Variants in NRCAM observed in about 807,000 individuals in gnomAD.
NRCAM encodes the protein neuronal cell adhesion molecule.
A neutral mutation model predicts 156.5 loss-of-function variants in NRCAM; 83 were observed. The observed-to-expected ratio is 0.53, with a 90% CI of 0.44 to 0.64. NRCAM has a LOEUF of 0.64. NRCAM is among the 30% of genes least tolerant of loss of function. NRCAM has a pLI of 0.00. For synonymous variants in NRCAM, 538 were observed against 563.9 expected (o/e 0.95, Z 0.65); for missense variants, 1,417 against 1,597.3 (o/e 0.89, Z 1.92).
chr7:108,398,114 C>G (rs1048260212), intron 2 of NRCAM, among the ~76,000 whole-genome samples: 5 of 152,180 alleles, frequency 3.3e-5, no homozygotes, highest in Admixed American at 1.3e-4. Flanking sequence ...CCCTTACCTC[C>G]ACACTTACAC....
At chr7:108,179,265 G>A (rs2062227837) in intron 25 of NRCAM, among the ~76,000 whole-genome samples, 1 of 152,142 alleles carries the variant, frequency 6.6e-6, no homozygotes, top group Non-Finnish European at 1.5e-5. Flanking sequence ...CATCGAGGAG[G>A]AAGAGCCCTG....
chr7:108,253,817 G>A (rs1159467557), intron 3 of NRCAM, among the ~76,000 whole-genome samples: 1 of 152,154 alleles, frequency 6.6e-6, no homozygotes, highest in Non-Finnish European at 1.5e-5. Flanking sequence ...ATGGCAAATA[G>A]GCATGGGGGA....
At chr7:108,442,615 G>C (rs1029891406) in intron 1 of NRCAM, among the ~76,000 whole-genome samples, 1 of 152,196 alleles carries the variant, frequency 6.6e-6, no homozygotes, top group Non-Finnish European at 1.5e-5. Context: ...GTGATTACCA[G>C]CTGGTGATTT....
chr7:108,441,012 C>T (rs924169762), intron 1 of NRCAM, among the ~76,000 whole-genome samples: 11 of 152,118 alleles, frequency 7.2e-5, no homozygotes, highest in Middle Eastern at 3.2e-3. Context: ...AGGGGATGCC[C>T]GTTAATGTCA....
chr7:108,155,129 CACACACACACACACAT>C (rs1179611034), intron 32 of NRCAM, among the ~76,000 whole-genome samples: 10 of 147,838 alleles, frequency 6.8e-5, no homozygotes, highest in African/African-American at 2.0e-4. Context: ...CACACACACA[CACACACACACACACAT>C]ATAGCAGACC....
chr7:108,443,034 G>A (rs1377840903), intron 1 of NRCAM, among the ~76,000 whole-genome samples: 1 of 152,180 alleles, frequency 6.6e-6, no homozygotes, highest in East Asian at 1.9e-4. Flanking sequence ...TATTCACCAG[G>A]AGGAAACCTC....
chr7:108,171,048 C>T (rs2058169039), intron 28 of NRCAM, among the ~76,000 whole-genome samples: 1 of 152,178 alleles, frequency 6.6e-6, no homozygotes. Flanking sequence ...CTAAGGCATG[C>T]TGTTTAGCCA....
intron 1 of NRCAM, among the ~76,000 whole-genome samples, chr7:108,425,006 A>G (rs1156931978): frequency 6.6e-6 from 1 of 152,152 alleles, no homozygotes; most frequent in Non-Finnish European, 1.5e-5. Context: ...CATAGATAAG[A>G]AGTTAATTCA....
At chr7:108,299,682 G>A (rs756278271) in intron 3 of NRCAM, among the ~76,000 whole-genome samples, 1 of 152,108 alleles carries the variant, frequency 6.6e-6, no homozygotes, top group South Asian at 2.1e-4. Context: ...CGGGCAGCCG[G>A]GTAATAACTT....
At chr7:108,345,909 G>T in intron 2 of NRCAM, among the ~76,000 whole-genome samples, 1 of 152,198 alleles carries the variant, frequency 6.6e-6, no homozygotes, top group African/African-American at 2.4e-5. Context: ...CTGTGGGGGA[G>T]CCCAGGAGTC....
chr7:108,255,887 G>A (rs1342864322), intron 3 of NRCAM, among the ~76,000 whole-genome samples: 5 of 149,632 alleles, frequency 3.3e-5, no homozygotes, highest in African/African-American at 9.9e-5. Context: ...GAGCGTCTCC[G>A]CCCGGCAGCC....
At chr7:108,422,101 C>G (rs888905445) in intron 1 of NRCAM, among the ~76,000 whole-genome samples, 1 of 152,136 alleles carries the variant, frequency 6.6e-6, no homozygotes, top group African/African-American at 2.4e-5. Flanking sequence ...AGCCACTTCA[C>G]GAGTTCTTAG....
chr7:108,451,749 G>A (rs11973105), intron 1 of NRCAM, among the ~76,000 whole-genome samples: 37,468 of 152,082 alleles, frequency 0.25, 4,938 homozygotes, highest in Non-Finnish European at 0.29. Flanking sequence ...AGGGTCATCA[G>A]ATTCATAGAC....
In NRCAM at chr7:108,147,897, T is replaced by G. The variant is rs1250316118; in HGVS notation, c.*2013A>C. ...TGGAAGAGGAAAAAATGTAGTTTTATTGTTCTCCCAAAATATTGGCAAATT... is the reference window on the plus strand; with the variant it reads ...TGGAAGAGGAAAAAATGTAGTTTTAGTGTTCTCCCAAAATATTGGCAAATT... On this transcript the variant is annotated 3_prime_UTR_variant, in exon 33 of 33. Transcript: ENST00000379028. 6.5e-6 allele frequency: 1 copy of G among 152,686 alleles called. No individual in the cohort carries two copies. The highest frequency in any genetic ancestry group is 1.5e-5 in the Non-Finnish European group (1 of 68,048). 9.5% of individuals were successfully genotyped at this position (152,686 alleles called of 1,614,324 possible). A position where few individuals can be genotyped will look rare whatever the true frequency, so the allele number is the denominator to read the frequency against.
At chr7:108,238,997 T>C (rs1271383309) in intron 4 of NRCAM, among the ~76,000 whole-genome samples, 1 of 152,136 alleles carries the variant, frequency 6.6e-6, no homozygotes, top group Non-Finnish European at 1.5e-5. Context: ...GAAAGTGCTA[T>C]CTTCCTTGCA....
At chr7:108,436,810 G>C (rs1832780730) in intron 1 of NRCAM, among the ~76,000 whole-genome samples, 1 of 152,180 alleles carries the variant, frequency 6.6e-6, no homozygotes, top group African/African-American at 2.4e-5. Flanking sequence ...TGCATACACT[G>C]TTGGTGGGAA....
chr7:108,162,848 G>C (rs2050108201), intron 30 of NRCAM, among the ~76,000 whole-genome samples: 1 of 152,200 alleles, frequency 6.6e-6, no homozygotes, highest in Non-Finnish European at 1.5e-5. Context: ...AACAGAAACT[G>C]TGTAAATGGA....
intron 2 of NRCAM, among the ~76,000 whole-genome samples, chr7:108,381,427 G>A (rs7785370): frequency 0.7 from 107,124 of 152,038 alleles, 38,187 homozygotes; most frequent in East Asian, 0.93. Context: ...TTTGAGTATT[G>A]CTGTGATCCA....
intron 2 of NRCAM, among the ~76,000 whole-genome samples, chr7:108,372,403 C>T (rs1034478936): frequency 1.1e-4 from 16 of 151,990 alleles, no homozygotes; most frequent in African/African-American, 1.4e-4. Context: ...AGGAAATTAT[C>T]AATAGAGTTA....
Sources: gnomAD v4.1 joint callset for allele counts (sites outside exome capture counted in the v4.1 genomes callset) on GRCh38, gnomAD v4.1.1 for gene constraint, MANE v1.5 for transcripts, NCBI Gene and HGNC (gene_info 2026-07-23, HGNC 2026-07-21) for gene names.